Variants in NDE1 observed in about 807,000 individuals in gnomAD.
NDE1 encodes nuclear distribution protein nudE homolog 1.
NDE1 carries 28 observed loss-of-function variants against 43.4 expected under a neutral mutation model. The observed-to-expected ratio is 0.65, with a 90% CI of 0.48 to 0.89. The LOEUF (loss-of-function observed/expected upper bound fraction) is 0.89. NDE1 is among the 40% of genes least tolerant of loss of function. NDE1 has a pLI of 0.00. For missense variants in NDE1, 441 were observed against 434.1 expected, an observed-to-expected ratio of 1.02 and a Z score of -0.14; for synonymous variants, 184 against 172.0, an observed-to-expected ratio of 1.07 and a Z score of -0.55.
At chr16:15,676,489 G>A (rs2037887255) in intron 3 of NDE1, among the ~76,000 whole-genome samples, 1 of 152,088 alleles carries the variant, frequency 6.6e-6, no homozygotes, top group African/African-American at 2.4e-5. Flanking sequence ...TGGGATTACA[G>A]GTGTGAGCCA....
intron 8 of NDE1, among the ~76,000 whole-genome samples, chr16:15,716,070 C>T (rs894492392): frequency 6.6e-6 from 1 of 152,048 alleles, no homozygotes; most frequent in Admixed American, 6.6e-5. Context: ...CACTGCACAC[C>T]AGCCTGGGAA....
intron 8 of NDE1, among the ~76,000 whole-genome samples, chr16:15,704,967 C>T (rs1296767503): frequency 6.6e-6 from 1 of 152,096 alleles, no homozygotes; most frequent in Non-Finnish European, 1.5e-5. Flanking sequence ...GCGTGGGCCA[C>T]CACACCTGGC....
At chr16:15,693,314 T>A (rs1156471290) in intron 6 of NDE1, among the ~76,000 whole-genome samples, 1 of 152,192 alleles carries the variant, frequency 6.6e-6, no homozygotes, top group Admixed American at 6.6e-5. Flanking sequence ...CGAGAGATTC[T>A]GCATTTCTAA....
chr16:15,725,736 T>C lies in NDE1; in HGVS notation c.*1485T>C, dbSNP rs1485482396. ...CCTGGCTGTGGACATGTTAAACATT[T>C]GTGAAAACTTTGGCCACGTCCCCAT... On this transcript the variant is annotated 3_prime_UTR_variant, in exon 9 of 9. Coordinates refer to ENST00000396354, the MANE Select transcript of NDE1 (RefSeq NM_017668.3). 2.5e-6 allele frequency: 1 copy of C among 398,596 alleles called. No homozygotes were observed. The highest frequency in any genetic ancestry group is 4.4e-6 in the Non-Finnish European group (1 of 226,132). 24.7% of individuals were successfully genotyped at this position (398,596 alleles called of 1,614,324 possible).
intron 3 of NDE1, among the ~76,000 whole-genome samples, chr16:15,673,694 G>C (rs1289892207): frequency 6.6e-6 from 1 of 152,000 alleles, no homozygotes; most frequent in Non-Finnish European, 1.5e-5. Flanking sequence ...CACCACGCCT[G>C]GCTGTTCTTA....
intron 8 of NDE1, chr16:15,718,274 G>A: frequency 2.5e-6 from 4 of 1,605,436 alleles, no homozygotes; most frequent in Non-Finnish European, 3.4e-6. Context: ...CTGCAGGAGA[G>A]ACAGTAGGCA....
Position 15,721,666 on chromosome 16 carries a change from G to T in NDE1, c.948-2525G>T, listed in dbSNP as rs558071192. 6.2e-6 allele frequency: 10 copies of T among 1,608,990 alleles called. No individual in the cohort carries two copies. The South Asian group carries it at 1.1e-4, about 18-fold the overall frequency. ...CACAAGACCCAGAGGTGACTTCTAG[G>T]CATATCCGGGGTCAGCGTCACTGAA... On this transcript the variant is annotated intron_variant, in intron 8 of 8. Transcript: ENST00000396354.
intron 1 of NDE1, among the ~76,000 whole-genome samples, chr16:15,659,160 G>T (rs2036916393): frequency 6.6e-6 from 1 of 152,024 alleles, no homozygotes; most frequent in African/African-American, 2.4e-5. Flanking sequence ...AGGTACAATT[G>T]TGCATTTCCT....
chr16:15,658,618 A>G (rs527585790), intron 1 of NDE1, among the ~76,000 whole-genome samples: 1 of 152,326 alleles, frequency 6.6e-6, no homozygotes, highest in Admixed American at 6.5e-5. Flanking sequence ...AAAACAAGCA[A>G]AACTACAAAT....
At chr16:15,678,813 A>C (rs944244217) in intron 4 of NDE1, among the ~76,000 whole-genome samples, 3 of 152,156 alleles carry the variant, frequency 2.0e-5, no homozygotes, top group Admixed American at 1.3e-4. Flanking sequence ...ACGGTGGCTC[A>C]CGCCTGTAAT....
upstream of NDE1, among the ~76,000 whole-genome samples, chr16:15,648,709 A>G (rs1311007423): frequency 6.6e-6 from 1 of 152,088 alleles, no homozygotes; most frequent in Non-Finnish European, 1.5e-5. Flanking sequence ...TAGGGAGACT[A>G]AGACAAGAAA....
At chr16:15,680,825 AC>A (rs2038138052) in intron 4 of NDE1, among the ~76,000 whole-genome samples, 1 of 152,128 alleles carries the variant, frequency 6.6e-6, no homozygotes, top group Non-Finnish European at 1.5e-5. Flanking sequence ...GGCATGAACC[AC>A]TGTGCCTGGC....
At chr16:15,695,517 C>T (rs973991441) in intron 7 of NDE1, 5 of 952,920 alleles carry the variant, frequency 5.2e-6, no homozygotes, top group Non-Finnish European at 5.0e-6. Context: ...AAAAAAAAAT[C>T]TTGAAAGCCT....
rs991266584 is a variant in NDE1, at chr16:15,683,712, C to G, written c.387-3663C>G. ...TTTCACTCCAGTTACAACTAGCATG[C>G]TGACCTTTATTTCAAAGTAAATACG... On this transcript the variant is annotated intron_variant, in intron 4 of 8. Transcript: ENST00000396354. Among the ~76,000 whole-genome samples, 4 of 152,268 alleles carry G rather than the reference C, an allele frequency of 2.6e-5. No homozygotes were observed. In the East Asian group the frequency reaches 7.7e-4, roughly 29 times the overall value.
intron 1 of NDE1, among the ~76,000 whole-genome samples, chr16:15,656,313 A>T (rs924900045): frequency 6.6e-6 from 1 of 152,004 alleles, no homozygotes. Flanking sequence ...AAGATTTTGC[A>T]GGCTGTGATA....
At chr16:15,696,908 C>T in intron 8 of NDE1, 48 bp downstream of exon 8, 2 of 1,602,156 alleles carry the variant, frequency 1.2e-6, no homozygotes, top group Non-Finnish European at 1.7e-6. Context: ...AACCCGCCTG[C>T]CCCAGGCAAG....
chr16:15,675,485 G>GGAGTGCAGCGGCGTGATCATAGCT (rs1384973937), intron 3 of NDE1, among the ~76,000 whole-genome samples: 1 of 151,590 alleles, frequency 6.6e-6, no homozygotes, highest in Non-Finnish European at 1.5e-5. Context: ...GGCCTGGGCG[G>GGAGTGCAGCGGCGTGATCATAGCT]GAGTGCAGCG....
chr16:15,689,769 G>A (rs1596618548), intron 5 of NDE1, among the ~76,000 whole-genome samples: 2 of 151,998 alleles, frequency 1.3e-5, no homozygotes, highest in Middle Eastern at 6.8e-3. Context: ...GTGAAACCCT[G>A]TGTCTACTAA....
intron 1 of NDE1, among the ~76,000 whole-genome samples, chr16:15,653,580 G>A (rs943783560): frequency 6.6e-6 from 1 of 152,026 alleles, no homozygotes; most frequent in Admixed American, 6.6e-5. Flanking sequence ...TAGCAGTGCT[G>A]GGTTTCTTCT....
Sources: allele counts gnomAD v4.1 joint callset (sites outside exome capture counted in the v4.1 genomes callset), GRCh38; gene constraint gnomAD v4.1.1; transcripts MANE v1.5; gene names NCBI Gene and HGNC (gene_info 2026-07-23, HGNC 2026-07-21).